Variants in NSUN3 observed in about 807,000 individuals in gnomAD.
NSUN3 encodes NOP2/Sun RNA methyltransferase 3.
In NSUN3, 24 loss-of-function variants were observed where a neutral mutation model predicts 36.8. The ratio of observed to expected loss-of-function variants is 0.65; its 90% CI spans 0.47 to 0.92. The LOEUF (loss-of-function observed/expected upper bound fraction) is 0.92. NSUN3 is among the 40% of genes least tolerant of loss of function. The pLI is 0.00. For synonymous variants in NSUN3, 146 were observed against 145.2 expected, an observed-to-expected ratio of 1.01 and a Z score of -0.04; for missense variants, 381 against 392.8, an observed-to-expected ratio of 0.97 and a Z score of 0.25.
intron 5 of NSUN3, among the ~76,000 whole-genome samples, chr3:94,118,772 T>C (rs962406550): frequency 6.6e-6 from 1 of 152,112 alleles, no homozygotes; most frequent in Non-Finnish European, 1.5e-5. Context: ...TTTTTTTTTC[T>C]TCTTCGTTCT....
chr3:94,129,798 G>A lies in NSUN3; in HGVS notation c.*3308G>A, dbSNP rs1307112277. 3.1e-5 allele frequency among the ~76,000 whole-genome samples: 4 copies of A among 130,608 alleles called. No homozygotes were observed. The highest frequency in any genetic ancestry group is 1.8e-4 in the Admixed American group (2 of 11,378). The allele number at this position is 130,608 out of a possible 152,430, so 85.7% of individuals were successfully genotyped here. On this transcript the variant is annotated 3_prime_UTR_variant, in exon 6 of 6. Coordinates refer to ENST00000314622, the MANE Select transcript of NSUN3 (RefSeq NM_022072.5). Reference sequence around the variant, plus strand: ...AGAGTCTTGCTCTGTCGCCCAGGCTGGATGGCGTGCAGTGGCATGATCTCA... The same window carrying A: ...AGAGTCTTGCTCTGTCGCCCAGGCTAGATGGCGTGCAGTGGCATGATCTCA...
In NSUN3 at chr3:94,120,786, G is replaced by A. The variant is rs565303797; in HGVS notation, c.744-5425G>A. ...CTGCTTTCAATTGTTTGGGGAATAT[G>A]ACCAGAAGTGGAATTGCTGGAGCAC... is the stretch of plus-strand genomic sequence containing the variant. On this transcript the variant is annotated intron_variant, in intron 5 of 5. Coordinates refer to ENST00000314622, the MANE Select transcript of NSUN3 (RefSeq NM_022072.5). 5.1e-3 allele frequency among the ~76,000 whole-genome samples: 772 copies of A among 152,264 alleles called. 7 individuals carry two copies. Among genetic ancestry groups the A allele is most frequent in the African/African-American group, 0.017 (704 of 41,546 alleles).
In NSUN3 at chr3:94,084,095, T is replaced by A; in HGVS notation, c.123-12T>A. 6.3e-7 allele frequency: 1 copy of A among 1,585,668 alleles called. No individual in the cohort carries two copies. The highest frequency in any genetic ancestry group is 8.6e-7 in the Non-Finnish European group (1 of 1,157,888). ...ATTAATATTCTCTTATTTTCTCTTT[T>A]TCTATTTCTAGGGAGATACTAACAT... On this transcript the variant is annotated splice_polypyrimidine_tract_variant and intron_variant, in intron 2 of 5. Coordinates refer to ENST00000314622, the MANE Select transcript of NSUN3 (RefSeq NM_022072.5).
chr3:94,088,751 C>T (rs2077303115), intron 3 of NSUN3, among the ~76,000 whole-genome samples: 1 of 150,866 alleles, frequency 6.6e-6, no homozygotes, highest in African/African-American at 2.4e-5. Flanking sequence ...TGGGTCACTG[C>T]AGTCTCTGCC....
chr3:94,073,757 C>G (rs1343717585), intron 2 of NSUN3, among the ~76,000 whole-genome samples: 5 of 152,174 alleles, frequency 3.3e-5, no homozygotes, highest in African/African-American at 9.7e-5. Flanking sequence ...GTTGCCTGTT[C>G]ACTCTGATGG....
At chr3:94,116,249 G>A (rs2077439743) in intron 5 of NSUN3, among the ~76,000 whole-genome samples, 1 of 152,154 alleles carries the variant, frequency 6.6e-6, no homozygotes, top group African/African-American at 2.4e-5. Context: ...AAAGGCTTTT[G>A]AGGCATGATT....
intron 5 of NSUN3, among the ~76,000 whole-genome samples, chr3:94,121,521 A>C (rs1306288285): frequency 6.6e-6 from 1 of 152,146 alleles, no homozygotes; most frequent in Non-Finnish European, 1.5e-5. Context: ...AGGGGTTTTC[A>C]TTCTTCCTAC....
intron 5 of NSUN3, among the ~76,000 whole-genome samples, chr3:94,104,483 T>G (rs2077378055): frequency 6.6e-6 from 1 of 152,216 alleles, no homozygotes; most frequent in African/African-American, 2.4e-5. Context: ...GATTTGGACC[T>G]GAGTCCCAGT....
At chr3:94,112,774 A>G (rs955480140) in intron 5 of NSUN3, among the ~76,000 whole-genome samples, 4 of 152,236 alleles carry the variant, frequency 2.6e-5, no homozygotes, top group African/African-American at 9.6e-5. Flanking sequence ...ATGGAAGGAA[A>G]TGAGAACAGA....
chr3:94,124,871 C>CT (rs2077479136), intron 5 of NSUN3, among the ~76,000 whole-genome samples: 1 of 152,074 alleles, frequency 6.6e-6, no homozygotes, highest in Non-Finnish European at 1.5e-5. Context: ...GAACAATGCT[C>CT]AGCATATAAT....
chr3:94,063,264 G>A, intron 1 of NSUN3, 126 bp downstream of exon 1: 1 of 967,678 alleles, frequency 1.0e-6, no homozygotes, highest in East Asian at 2.4e-5. Flanking sequence ...CGAGATCAGC[G>A]TTTCTTTGGC....
intron 5 of NSUN3, among the ~76,000 whole-genome samples, chr3:94,097,418 T>C (rs1020519183): frequency 1.3e-5 from 2 of 152,190 alleles, no homozygotes; most frequent in African/African-American, 2.4e-5. Context: ...ATCTACTTTG[T>C]TCTCTTTAAC....
chr3:94,093,713 G>T (rs1379771414), intron 3 of NSUN3, among the ~76,000 whole-genome samples: 1 of 152,192 alleles, frequency 6.6e-6, no homozygotes, highest in Non-Finnish European at 1.5e-5. Context: ...TGCGTCTGCC[G>T]CAATGTGAGT....
chr3:94,094,358 T>C, intron 4 of NSUN3, 64 bp downstream of exon 4: 1 of 1,476,150 alleles, frequency 6.8e-7, no homozygotes, highest in Non-Finnish European at 9.2e-7. Context: ...TGTTGCTTTG[T>C]GGTTGTTATT....
chr3:94,084,067 C>A, intron 2 of NSUN3, 40 bp from the exon 3 acceptor site: 1 of 1,411,954 alleles, frequency 7.1e-7, no homozygotes, highest in Non-Finnish European at 9.9e-7. Flanking sequence ...TGGTATGTAT[C>A]ATATTAATAT....
intron 5 of NSUN3, among the ~76,000 whole-genome samples, chr3:94,112,816 A>G (rs1313871357): frequency 6.6e-6 from 1 of 152,214 alleles, no homozygotes; most frequent in African/African-American, 2.4e-5. Flanking sequence ...GTCTGCTACA[A>G]GTTGGAAATT....
intron 3 of NSUN3, among the ~76,000 whole-genome samples, chr3:94,090,305 T>G (rs1228377803): frequency 6.6e-6 from 1 of 152,202 alleles, no homozygotes; most frequent in African/African-American, 2.4e-5. Flanking sequence ...TGACACTTTA[T>G]ATTTCATATT....
chr3:94,088,738 T>C (rs557573340), intron 3 of NSUN3, among the ~76,000 whole-genome samples: 1 of 151,338 alleles, frequency 6.6e-6, no homozygotes, highest in South Asian at 2.1e-4. Context: ...AGTGGTGTGA[T>C]CTTGGGTCAC....
chr3:94,070,475 C>A (rs771785690), intron 2 of NSUN3, among the ~76,000 whole-genome samples: 1 of 151,978 alleles, frequency 6.6e-6, no homozygotes, highest in Non-Finnish European at 1.5e-5. Context: ...AAAAAGAAGA[C>A]AAAACAGACT....
Sources: gnomAD v4.1 joint callset for allele counts (sites outside exome capture counted in the v4.1 genomes callset) on GRCh38, gnomAD v4.1.1 for gene constraint, MANE v1.5 for transcripts, NCBI Gene and HGNC (gene_info 2026-07-23, HGNC 2026-07-21) for gene names.